PDSS1: variants seen among roughly 807,000 people sequenced by gnomAD.
PDSS1 encodes decaprenyl diphosphate synthase subunit 1.
A neutral mutation model predicts 57.5 loss-of-function variants in PDSS1; 43 were observed. That is an observed-to-expected ratio of 0.75 (90% CI 0.59 to 0.96). PDSS1 has a LOEUF of 0.96. Ranked by LOEUF, PDSS1 falls within the 50% of genes least tolerant of loss-of-function variation. The pLI is 0.00. For missense variants in PDSS1, 438 were observed against 527.8 expected (o/e 0.83, Z 1.67); for synonymous variants, 175 against 191.3 (o/e 0.91, Z 0.70).
At position 26,714,309 on chromosome 10, in the gene PDSS1, A is replaced by T. The variant is rs1037232766; in HGVS notation, c.467+4541A>T. On this transcript the variant is annotated intron_variant, in intron 5 of 11. Transcript: ENST00000376215. ...GCCAACATGGTGAAACCCCATCTCT[A>T]CAAAAAATATAAAAATTAGCCAGTC... 1.2e-4 allele frequency among the ~76,000 whole-genome samples: 18 copies of T among 152,142 alleles called. No individual in the cohort carries two copies. The Middle Eastern group carries it at 0.01, about 86-fold the overall frequency.
intron 8 of PDSS1, among the ~76,000 whole-genome samples, chr10:26,733,077 C>T (rs1033926454): frequency 1.1e-4 from 17 of 152,114 alleles, no homozygotes; most frequent in African/African-American, 3.1e-4. Flanking sequence ...GACAGAGAGA[C>T]TCCGTCTCCA....
intron 10 of PDSS1, 69 bp from the exon 11 acceptor site, chr10:26,742,428 T>C: frequency 9.2e-7 from 1 of 1,085,292 alleles, no homozygotes; most frequent in African/African-American, 1.5e-5. Context: ...TACAAACTAG[T>C]GTTAGAACAC....
intron 4 of PDSS1, among the ~76,000 whole-genome samples, chr10:26,707,128 A>C (rs1210508854): frequency 6.6e-6 from 1 of 152,126 alleles, no homozygotes; most frequent in Non-Finnish European, 1.5e-5. Context: ...GTGGCCCGCC[A>C]GTGTTGGGGA....
At chr10:26,702,030 G>A (rs989388236) in intron 1 of PDSS1, 132 bp from the exon 2 acceptor site, 2 of 416,250 alleles carry the variant, frequency 4.8e-6, no homozygotes, top group Non-Finnish European at 9.6e-6. Context: ...GCCCTGCTGG[G>A]TTTGGACTTG....
chr10:26,706,489 G>GACT (rs1835221161), intron 4 of PDSS1, among the ~76,000 whole-genome samples: 1 of 152,152 alleles, frequency 6.6e-6, no homozygotes, highest in Non-Finnish European at 1.5e-5. Context: ...TCTAGGGGCA[G>GACT]TCCCTTAGCC....
chr10:26,705,028 C>G lies in PDSS1; in HGVS notation c.228-258C>G, dbSNP rs549231417. On this transcript the variant is annotated intron_variant, in intron 3 of 11. Transcript: ENST00000376215. The stretch of plus-strand genomic sequence containing the variant: ...AATATAATAAAGTTTGAGCTCAACC[C>G]AGAGCACAATGAACATAGTTTAGTT... Among the ~76,000 whole-genome samples the G allele has an allele frequency of 1.5e-3, 224 of 152,222 alleles. 1 individual carries two copies. Among genetic ancestry groups the G allele is most frequent in the African/African-American group, 4.8e-3 (199 of 41,518 alleles).
At chr10:26,731,107 C>T (rs1836178980) in intron 8 of PDSS1, among the ~76,000 whole-genome samples, 1 of 152,072 alleles carries the variant, frequency 6.6e-6, no homozygotes, top group African/African-American at 2.4e-5. Context: ...TTTGGGAGGC[C>T]AAAGCAGGCG....
At chr10:26,709,073 G>A (rs1433333728) in intron 4 of PDSS1, among the ~76,000 whole-genome samples, 2 of 152,146 alleles carry the variant, frequency 1.3e-5, no homozygotes, top group African/African-American at 4.8e-5. Flanking sequence ...GTCTTCTGGT[G>A]TCTGATTCTG....
At chr10:26,732,597 T>C (rs1335333047) in intron 8 of PDSS1, among the ~76,000 whole-genome samples, 1 of 152,210 alleles carries the variant, frequency 6.6e-6, no homozygotes, top group Non-Finnish European at 1.5e-5. Context: ...GTTGGAGCCA[T>C]GTAATGCCTG....
intron 5 of PDSS1, among the ~76,000 whole-genome samples, chr10:26,717,034 T>C (rs990531940): frequency 6.6e-6 from 1 of 152,196 alleles, no homozygotes; most frequent in African/African-American, 2.4e-5. Context: ...GGATAAGCAG[T>C]GGCAGCATTT....
In PDSS1 at chr10:26,735,310, T is replaced by C. The variant is rs1836356581; in HGVS notation, c.902T>C (p.Ile301Thr). The change falls in exon 9 of 12, where the codon ATA becomes ACA. Residue 301 changes from isoleucine (I) to threonine (T), a missense_variant. This residue lies in a region of PDSS1 where 284 missense variants were observed against 390.7 expected (regional missense o/e 0.73). Transcript: ENST00000376215. ...IAYQYGKNVGIAFQLIDDVLD... is the reference protein window; with the variant it reads ...IAYQYGKNVGTAFQLIDDVLD... ...TATCAGTACGGAAAAAATGTAGGAA[T>C]AGCTTTTCAGGTTAGTATGCTTTTT... The C allele has an allele frequency of 2.5e-6, 4 of 1,609,004 alleles. No individual in the cohort carries two copies. The highest frequency in any genetic ancestry group is 1.7e-6 in the Non-Finnish European group (2 of 1,175,308).
chr10:26,727,150 ACTCAT>A (rs1259683709), intron 8 of PDSS1, among the ~76,000 whole-genome samples: 84 of 152,188 alleles, frequency 5.5e-4, no homozygotes, highest in Non-Finnish European at 1.1e-3. Context: ...TACATTTTGT[ACTCAT>A]GCAAAATACA....
intron 8 of PDSS1, among the ~76,000 whole-genome samples, chr10:26,727,048 C>T (rs1488025116): frequency 6.2e-5 from 8 of 128,800 alleles, no homozygotes; most frequent in East Asian, 2.3e-4. Context: ...GGCAATAGAG[C>T]GAGAGTCTCT....
chr10:26,733,649 C>T (rs1374503577), intron 8 of PDSS1, among the ~76,000 whole-genome samples: 1 of 152,026 alleles, frequency 6.6e-6, no homozygotes, highest in South Asian at 2.1e-4. Context: ...ATTTCTGGTT[C>T]CAGTGGATGA....
At chr10:26,708,360 T>A (rs1564418820) in intron 4 of PDSS1, among the ~76,000 whole-genome samples, 1 of 152,182 alleles carries the variant, frequency 6.6e-6, no homozygotes, top group Non-Finnish European at 1.5e-5. Context: ...TCTTGTCCTC[T>A]TTGTGAATCA....
At chr10:26,736,653 G>A (rs1011220515) in intron 10 of PDSS1, among the ~76,000 whole-genome samples, 2 of 152,160 alleles carry the variant, frequency 1.3e-5, no homozygotes, top group African/African-American at 4.8e-5. Context: ...CTGACGTTCT[G>A]GGTGGCTGGA....
At chr10:26,729,968 A>C (rs1002759895) in intron 8 of PDSS1, among the ~76,000 whole-genome samples, 1 of 128,856 alleles carries the variant, frequency 7.8e-6, no homozygotes, top group Non-Finnish European at 1.5e-5. Context: ...GCCGGAGTGC[A>C]GTGGCACTAT....
At chr10:26,740,867 T>C in intron 10 of PDSS1, 2 of 330,454 alleles carry the variant, frequency 6.1e-6, no homozygotes, top group South Asian at 4.8e-5. Context: ...AGTGATTTGG[T>C]GTCCTGGCTT....
At position 26,736,665 on chromosome 10, in the gene PDSS1, C is replaced by CTGGGTGGCTGGG. The variant is rs1469761183; in HGVS notation, c.1026+1086_1026+1087insTGGGTGGCTGGG. On this transcript the variant is annotated intron_variant, in intron 10 of 11. Transcript: ENST00000376215. Reference sequence around the variant, plus strand: ...AGGCTGACGTTCTGGGTGGCTGGACCAGGCTACTTTGGCAGCTTGCTAAGG... The same window carrying CTGGGTGGCTGGG: ...AGGCTGACGTTCTGGGTGGCTGGACCTGGGTGGCTGGGAGGCTACTTTGGCAGCTTGCTAAGG... Among the ~76,000 whole-genome samples, 9 of 152,224 alleles carry CTGGGTGGCTGGG rather than the reference C, an allele frequency of 5.9e-5. No individual in the cohort carries two copies. The East Asian group carries it at 1.7e-3, about 29-fold the overall frequency.
Sources: allele counts gnomAD v4.1 joint callset (sites outside exome capture counted in the v4.1 genomes callset), GRCh38; gene constraint gnomAD v4.1.1; regional missense constraint gnomAD v4.1.1; transcripts MANE v1.5; gene names NCBI Gene and HGNC (gene_info 2026-07-23, HGNC 2026-07-21).